Variants in CDH23 observed in about 807,000 individuals in gnomAD.
The protein encoded by CDH23 is cadherin-23.
CDH23 carries 189 observed loss-of-function variants against 317.1 expected under a neutral mutation model. That is an observed-to-expected ratio of 0.60 (90% CI 0.53 to 0.67). The LOEUF is 0.67. Ranked by LOEUF, CDH23 falls within the 30% of genes least tolerant of loss-of-function variation. The probability of loss-of-function intolerance (pLI) is 0.00; values close to 1 mark genes in which losing one functional copy is unlikely to be tolerated. For synonymous variants in CDH23, 1,839 were observed against 1,876.8 expected (o/e 0.98, Z 0.52); for missense variants, 4,401 against 4,592.4 (o/e 0.96, Z 1.20).
chr10:71,740,715 T>C, intron 36 of CDH23, 107 bp from the exon 37 acceptor site: 1 of 1,492,776 alleles, frequency 6.7e-7, no homozygotes, highest in Non-Finnish European at 9.1e-7. Flanking sequence ...TGAGTCTCTT[T>C]GCCCTCCCAA....
chr10:71,408,713 G>C (rs1589270524), intron 1 of CDH23, among the ~76,000 whole-genome samples: 1 of 152,350 alleles, frequency 6.6e-6, no homozygotes, highest in East Asian at 1.9e-4. Context: ...CAGCGGGAGA[G>C]AGGCTGTTAA....
At chr10:71,636,715 G>A (rs959676900) in intron 11 of CDH23, among the ~76,000 whole-genome samples, 6 of 152,222 alleles carry the variant, frequency 3.9e-5, no homozygotes, top group Non-Finnish European at 8.8e-5. Flanking sequence ...AGCTTGGGGA[G>A]GGGACATAGG....
intron 6 of CDH23, among the ~76,000 whole-genome samples, chr10:71,561,960 A>G (rs1368640184): frequency 1.3e-5 from 2 of 151,884 alleles, no homozygotes; most frequent in African/African-American, 4.9e-5. Flanking sequence ...TCCAAAGACC[A>G]CGGCTGCTCC....
chr10:71,744,062 C>T (rs1234541316), intron 38 of CDH23, among the ~76,000 whole-genome samples: 2 of 152,148 alleles, frequency 1.3e-5, no homozygotes, highest in Non-Finnish European at 2.9e-5. Context: ...TCTCCTTGGC[C>T]AGAAGTGGCT....
chr10:71,627,278 C>A (rs955349147), intron 11 of CDH23, among the ~76,000 whole-genome samples: 6 of 152,298 alleles, frequency 3.9e-5, no homozygotes, highest in African/African-American at 1.4e-4. Flanking sequence ...CAAAGCAAAG[C>A]CACTCTGGAA....
intron 3 of CDH23, among the ~76,000 whole-genome samples, chr10:71,489,697 A>G (rs909861167): frequency 1.2e-4 from 18 of 151,864 alleles, no homozygotes; most frequent in African/African-American, 4.4e-4. Context: ...GACCTGAGAT[A>G]AAGGTCAGAG....
chr10:71,563,791 C>G (rs1041320363), intron 6 of CDH23, among the ~76,000 whole-genome samples: 2 of 150,890 alleles, frequency 1.3e-5, no homozygotes, highest in Admixed American at 6.6e-5. Flanking sequence ...CTCTGTCACC[C>G]AGGCTGGAGT....
chr10:71,785,135 G>T, intron 43 of CDH23, 35 bp downstream of exon 43: 1 of 1,572,882 alleles, frequency 6.4e-7, no homozygotes. Flanking sequence ...AGCTTCCCAG[G>T]GTTTCCAGTG....
intron 1 of CDH23, among the ~76,000 whole-genome samples, chr10:71,425,896 G>A (rs1240491958): frequency 1.3e-5 from 2 of 152,242 alleles, no homozygotes; most frequent in African/African-American, 4.8e-5. Context: ...GACACAGGAT[G>A]GAAGCTGCTG....
Position 71,732,292 on chromosome 10 carries a change from G to T in CDH23, c.4021G>T (p.Asp1341Tyr). 1 of 1,612,526 alleles carries T rather than the reference G, an allele frequency of 6.2e-7. No homozygotes were observed. Among genetic ancestry groups the T allele is most frequent in the Non-Finnish European group, 8.5e-7 (1 of 1,179,192 alleles). ...EIVRVQAYSI[D>Y]NLNQITYRFN... ...TGTGCGGGTCCAGGCCTACTCCATC[G>T]ACAACCTCAACCAAATCACGTACCG... The change falls in exon 32 of 70, where the codon GAC becomes TAC. Residue 1341 changes from aspartate to tyrosine, a missense_variant. Around this residue, in one of 3 missense-constraint regions of CDH23, gnomAD observed 3,068 missense variants for 3,203.3 expected, o/e 0.96. Transcript: ENST00000224721.
intron 11 of CDH23, among the ~76,000 whole-genome samples, chr10:71,637,147 G>A (rs146422707): frequency 1.8e-4 from 28 of 152,298 alleles, no homozygotes; most frequent in African/African-American, 6.7e-4. Context: ...GGACAAAGAA[G>A]GATAAAGAAT....
At chr10:71,427,259 G>GAA (rs1465941500) in intron 1 of CDH23, among the ~76,000 whole-genome samples, 3 of 142,212 alleles carry the variant, frequency 2.1e-5, no homozygotes, top group African/African-American at 8.0e-5. Context: ...AAGAAAGAAA[G>GAA]AGAAAGAGAG....
intron 17 of CDH23, 106 bp from the exon 18 acceptor site, chr10:71,682,339 G>A (rs1864686984): frequency 6.9e-7 from 1 of 1,451,130 alleles, no homozygotes; most frequent in Non-Finnish European, 9.4e-7. Context: ...GCCAGAGCTG[G>A]CCCGGGCCAT....
At chr10:71,716,036 T>C (rs1166662225) in intron 28 of CDH23, 7 of 1,508,108 alleles carry the variant, frequency 4.6e-6, no homozygotes, top group Non-Finnish European at 6.2e-6. Context: ...GCGGAAGCTG[T>C]GCAGGGAGAG....
At chr10:71,608,929 G>T (rs866848843) in intron 9 of CDH23, among the ~76,000 whole-genome samples, 1 of 152,234 alleles carries the variant, frequency 6.6e-6, no homozygotes, top group Non-Finnish European at 1.5e-5. Flanking sequence ...CTCAGGGGCT[G>T]TTAGCCCAGC....
chr10:71,738,439 G>T, intron 34 of CDH23, 59 bp from the exon 35 acceptor site: 1 of 1,607,096 alleles, frequency 6.2e-7, no homozygotes, highest in Non-Finnish European at 8.5e-7. Flanking sequence ...GTGGGACCCA[G>T]GTGTTTGGGG....
At position 71,701,967 on chromosome 10, in the gene CDH23, A is replaced by G. The variant is rs970800684; in HGVS notation, c.2398-55A>G. On this transcript the variant is annotated intron_variant, in intron 22 of 69. Transcript: ENST00000224721. ...GAGCTCAGATACTCCCGGCCAGCCC[A>G]GAGACACCCTCCCCAGGCGCGGCTC... The G allele has an allele frequency of 2.5e-6, 4 of 1,585,050 alleles. No individual in the cohort carries two copies. In the African/African-American group the frequency reaches 5.4e-5, roughly 21 times the overall value.
At chr10:71,698,769 C>A (rs1408101770) in intron 22 of CDH23, among the ~76,000 whole-genome samples, 1 of 152,200 alleles carries the variant, frequency 6.6e-6, no homozygotes, top group Non-Finnish European at 1.5e-5. Flanking sequence ...CTGTTTCCTG[C>A]AGAGCTGGAC....
chr10:71,677,811 G>C (rs911519892), intron 16 of CDH23, 118 bp downstream of exon 16: 1 of 805,236 alleles, frequency 1.2e-6, no homozygotes, highest in Non-Finnish European at 2.0e-6. Flanking sequence ...TTTCACCCAG[G>C]CTGGAGTGCA....
Sources: gnomAD v4.1 joint callset for allele counts (sites outside exome capture counted in the v4.1 genomes callset) on GRCh38, gnomAD v4.1.1 for gene constraint, gnomAD v4.1.1 regional missense constraint, MANE v1.5 for transcripts, NCBI Gene and HGNC (gene_info 2026-07-23, HGNC 2026-07-21) for gene names.